The following DNAAF1 variants were observed in gnomAD, a reference collection of about 807,000 sequenced individuals.
The protein encoded by DNAAF1 is dynein axonemal assembly factor 1, also known as dynein assembly factor 1, axonemal.
In DNAAF1, 65 loss-of-function variants were observed where a neutral mutation model predicts 71.1. The ratio of observed to expected loss-of-function variants is 0.91; its 90% CI spans 0.75 to 1.12. DNAAF1 has a LOEUF of 1.12. DNAAF1 is among the 50% of genes most tolerant of loss of function. The probability of loss-of-function intolerance (pLI) is 0.00; values close to 1 mark genes in which losing one functional copy is unlikely to be tolerated. For missense variants in DNAAF1, 1,178 were observed against 899.8 expected (o/e 1.31, Z -3.96); for synonymous variants, 414 against 354.6 (o/e 1.17, Z -1.88).
chr16:84,170,373 AACACACACAG>A lies in DNAAF1; in HGVS notation c.1528+27_1528+36del, dbSNP rs372150650. ...CCAGGGAAGGTAATGTGAGCGGAGA[AACACACACAG>A]ACACACACACCTCTCAGGGAGCCCC... On this transcript the variant is annotated intron_variant, in intron 8 of 11. Coordinates refer to ENST00000378553, the MANE Select transcript of DNAAF1 (RefSeq NM_178452.6). The A allele has an allele frequency of 1.2e-6, 2 of 1,613,408 alleles. No homozygotes were observed. Among genetic ancestry groups the A allele is most frequent in the African/African-American group, 1.3e-5 (1 of 74,942 alleles).
chr16:84,152,390 C>T (rs1358836432), intron 3 of DNAAF1, among the ~76,000 whole-genome samples: 2 of 152,180 alleles, frequency 1.3e-5, no homozygotes, highest in African/African-American at 4.8e-5. Context: ...TGGTGGCTCA[C>T]GCCTGTGATC....
rs112770727 is a variant in DNAAF1 at position 84,170,434 on chromosome 16, A to T, written c.1528+78A>T. On this transcript the variant is annotated intron_variant, in intron 8 of 11. Coordinates refer to ENST00000378553, the MANE Select transcript of DNAAF1 (RefSeq NM_178452.6). ...AGCCTTCGACTCACGTCTCTGTGGG[A>T]CCTGGGGCCTGAGTTTCACTTCTTC... The T allele has an allele frequency of 5.6e-6, 9 of 1,603,158 alleles. No homozygotes were observed. The African/African-American group carries it at 9.3e-5, about 17-fold the overall frequency.
chr16:84,148,596 C>CTCTTTTTTTTT, intron 1 of DNAAF1, among the ~76,000 whole-genome samples: 14 of 43,564 alleles, frequency 3.2e-4, no homozygotes, highest in South Asian at 8.4e-4. Flanking sequence ...CTCTCTCTCT[C>CTCTTTTTTTTT]TTTTTTTTTT....
intron 7 of DNAAF1, among the ~76,000 whole-genome samples, chr16:84,167,815 A>G (rs1338692301): frequency 6.6e-6 from 1 of 152,194 alleles, no homozygotes; most frequent in Non-Finnish European, 1.5e-5. Flanking sequence ...AAGGAGTTGG[A>G]GACCAGCCTG....
intron 10 of DNAAF1, 36 bp downstream of exon 10, chr16:84,174,758 C>G: frequency 6.2e-7 from 1 of 1,613,842 alleles, no homozygotes; most frequent in Non-Finnish European, 8.5e-7. Flanking sequence ...CCACAGGCAG[C>G]TTAATTCCAC....
chr16:84,154,911 T>C, intron 4 of DNAAF1, 113 bp downstream of exon 4: 5 of 947,210 alleles, frequency 5.3e-6, no homozygotes, highest in Non-Finnish European at 3.3e-6. Flanking sequence ...TTTTTGTCTT[T>C]TTTTTGTTTT....
chr16:84,158,747 TGAGATGGA>T (rs1227482994), intron 5 of DNAAF1: 1 of 152,244 alleles, frequency 6.6e-6, no homozygotes, highest in Non-Finnish European at 1.5e-5. Flanking sequence ...TTTTATTTTC[TGAGATGGA>T]GTCTCGCTTA....
intron 10 of DNAAF1, 124 bp downstream of exon 10, chr16:84,174,846 C>A: frequency 1.6e-6 from 2 of 1,225,752 alleles, no homozygotes; most frequent in Non-Finnish European, 2.4e-6. Flanking sequence ...TTGAATTCCC[C>A]CATATTCTTT....
At chr16:84,158,416 G>C (rs1325218957) in intron 5 of DNAAF1, among the ~76,000 whole-genome samples, 1 of 152,082 alleles carries the variant, frequency 6.6e-6, no homozygotes, top group South Asian at 2.1e-4. Flanking sequence ...ACACCAGTCA[G>C]ATTGGATTAC....
At chr16:84,171,535 C>A (rs143508199) in intron 8 of DNAAF1, among the ~76,000 whole-genome samples, 13 of 152,340 alleles carry the variant, frequency 8.5e-5, no homozygotes, top group African/African-American at 2.9e-4. Context: ...ATTCCTCAGG[C>A]GATCTCACAG....
At chr16:84,166,791 C>A (rs990268850) in intron 7 of DNAAF1, among the ~76,000 whole-genome samples, 1 of 152,224 alleles carries the variant, frequency 6.6e-6, no homozygotes, top group Non-Finnish European at 1.5e-5. Context: ...ACCACTTTTA[C>A]TGATTGGAAC....
chr16:84,165,873 A>C lies in DNAAF1; in HGVS notation c.954A>C (p.Thr318=). The C allele has an allele frequency of 6.2e-7, 1 of 1,613,610 alleles. No individual in the cohort carries two copies. The highest frequency in any genetic ancestry group is 8.5e-7 in the Non-Finnish European group (1 of 1,179,928). Residue 318 remains threonine (T), a synonymous_variant, in exon 7 of 12, where the codon ACA becomes ACC. Coordinates refer to ENST00000378553, the MANE Select transcript of DNAAF1 (RefSeq NM_178452.6). The part of the protein sequence containing the change: ...QWESRERKKI[T]DSIEALAMIK... ...AGAGCAGGGAGCGGAAGAAGATCACAGACAGCATTGAAGCCTTGGCCATGA... is the reference window on the plus strand; with the variant it reads ...AGAGCAGGGAGCGGAAGAAGATCACCGACAGCATTGAAGCCTTGGCCATGA...
At chr16:84,173,497 C>G in intron 9 of DNAAF1, 2 of 983,458 alleles carry the variant, frequency 2.0e-6, no homozygotes, top group South Asian at 9.4e-5. Flanking sequence ...TGATCACGGT[C>G]AGAATTCACA....
intron 6 of DNAAF1, among the ~76,000 whole-genome samples, chr16:84,162,637 G>A (rs1255109751): frequency 3.9e-5 from 6 of 151,928 alleles, no homozygotes; most frequent in Non-Finnish European, 8.8e-5. Context: ...TGGCCAACAC[G>A]GTGAAACCTC....
intron 1 of DNAAF1, among the ~76,000 whole-genome samples, chr16:84,148,533 A>G (rs1248375538): frequency 6.7e-6 from 1 of 149,714 alleles, no homozygotes; most frequent in African/African-American, 2.5e-5. Context: ...TGAAATTTAC[A>G]TAGTCTTTGC....
At chr16:84,161,672 C>T (rs2087722817) in intron 6 of DNAAF1, among the ~76,000 whole-genome samples, 1 of 151,848 alleles carries the variant, frequency 6.6e-6, no homozygotes, top group African/African-American at 2.4e-5. Flanking sequence ...CCACCACACC[C>T]CTGGCATTGA....
intron 4 of DNAAF1, 87 bp downstream of exon 4, chr16:84,154,885 C>G: frequency 8.9e-7 from 1 of 1,122,348 alleles, no homozygotes; most frequent in South Asian, 1.3e-5. Flanking sequence ...ATATTATGGG[C>G]AAGAAGTGGT....
intron 11 of DNAAF1, chr16:84,177,266 T>C (rs557145123): frequency 6.5e-5 from 16 of 246,332 alleles, no homozygotes; most frequent in African/African-American, 3.3e-4. Context: ...CTGGAGGACG[T>C]TGAATAATTT....
At chr16:84,159,922 C>A in intron 6 of DNAAF1, 126 bp downstream of exon 6, 3 of 1,092,054 alleles carry the variant, frequency 2.7e-6, no homozygotes, top group Non-Finnish European at 4.0e-6. Flanking sequence ...TGGAAATAGG[C>A]TTGATGGCTA....
Sources: gnomAD v4.1 joint callset for allele counts (sites outside exome capture counted in the v4.1 genomes callset) on GRCh38, gnomAD v4.1.1 for gene constraint, MANE v1.5 for transcripts, NCBI Gene and HGNC (gene_info 2026-07-23, HGNC 2026-07-21) for gene names.